The following FRAS1 variants were observed in gnomAD, a reference collection of about 807,000 sequenced individuals.
FRAS1 encodes extracellular matrix organizing protein FRAS1.
In FRAS1, 290 loss-of-function variants were observed where a neutral mutation model predicts 435.2. The ratio of observed to expected loss-of-function variants is 0.67; its 90% CI spans 0.61 to 0.73. FRAS1 has a LOEUF of 0.73. Ranked by LOEUF, FRAS1 falls within the 30% of genes least tolerant of loss-of-function variation. The probability of loss-of-function intolerance (pLI) is 0.00; values close to 1 mark genes in which losing one functional copy is unlikely to be tolerated. For missense variants in FRAS1, 4,860 were observed against 5,001.5 expected (o/e 0.97, Z 0.85); for synonymous variants, 1,800 against 1,851.0 (o/e 0.97, Z 0.71).
chr4:78,174,998 G>A (rs1415441155), intron 2 of FRAS1, among the ~76,000 whole-genome samples: 1 of 152,238 alleles, frequency 6.6e-6, no homozygotes, highest in Non-Finnish European at 1.5e-5. Flanking sequence ...GTAATGTGCT[G>A]TGAAGATTTT....
chr4:78,143,779 C>G (rs1355695043), intron 2 of FRAS1, among the ~76,000 whole-genome samples: 3 of 151,048 alleles, frequency 2.0e-5, no homozygotes, highest in East Asian at 3.9e-4. Flanking sequence ...TGTTGCGGGC[C>G]TGTGGTCCCA....
intron 14 of FRAS1, among the ~76,000 whole-genome samples, chr4:78,307,811 G>T (rs563874437): frequency 6.6e-6 from 1 of 152,274 alleles, no homozygotes; most frequent in East Asian, 1.9e-4. Context: ...GAAATCACCC[G>T]TCTTCTGCGT....
chr4:78,243,001 A>G (rs115211094), intron 3 of FRAS1, among the ~76,000 whole-genome samples: 134 of 152,296 alleles, frequency 8.8e-4, no homozygotes, highest in African/African-American at 3.0e-3. Context: ...AGGTATTTAG[A>G]ACCTTGAATA....
At chr4:78,237,704 C>T (rs990729743) in intron 3 of FRAS1, 87 bp downstream of exon 3, 2 of 585,724 alleles carry the variant, frequency 3.4e-6, no homozygotes, top group African/African-American at 3.8e-5. Context: ...CTGTTTTTGA[C>T]ATTTATTCTA....
intron 2 of FRAS1, among the ~76,000 whole-genome samples, chr4:78,229,035 G>A (rs1305346149): frequency 6.6e-6 from 1 of 152,110 alleles, no homozygotes; most frequent in East Asian, 1.9e-4. Flanking sequence ...GACTTAGTGT[G>A]GTATATGACC....
chr4:78,279,184 A>G (rs1727203332), intron 10 of FRAS1, among the ~76,000 whole-genome samples: 1 of 152,216 alleles, frequency 6.6e-6, no homozygotes, highest in Non-Finnish European at 1.5e-5. Flanking sequence ...GAAACATACC[A>G]GGAATAGGGA....
rs143653557 is a variant in FRAS1, at chr4:78,122,185, T to G, written c.108+56169T>G. ...TGTTCCCTTCCCTGTGTCCATGTGT[T>G]CTTATTGTTCAATTCCCACTTATGA... On this transcript the variant is annotated intron_variant, in intron 2 of 73. Coordinates refer to ENST00000512123, the MANE Select transcript of FRAS1 (RefSeq NM_025074.7). 1.0e-2 allele frequency among the ~76,000 whole-genome samples: 1,521 copies of G among 152,218 alleles called. 9 individuals are homozygous for G. Among genetic ancestry groups the G allele is most frequent in the Non-Finnish European group, 0.014 (948 of 68,014 alleles).
At position 78,169,428 on chromosome 4, in the gene FRAS1, C is replaced by A. The variant is rs1340810244; in HGVS notation, c.109-68082C>A. ...CGACTCTGCCGCTTACCTGGTGTCG[C>A]CTTTGTCAAGTTGCTTAACCTCTCA... On this transcript the variant is annotated intron_variant, in intron 2 of 73. Coordinates refer to ENST00000512123, the MANE Select transcript of FRAS1 (RefSeq NM_025074.7). Among the ~76,000 whole-genome samples the A allele has an allele frequency of 2.6e-5, 4 of 152,144 alleles. No individual in the cohort carries two copies. In the East Asian group the frequency reaches 7.7e-4, roughly 29 times the overall value.
Position 78,308,188 on chromosome 4 carries a change from A to C in FRAS1, c.1657A>C (p.Asn553His). ...GAGCAGCTGTGGAAAAGGCTTCTAC[A>C]ACAGGCAGGGCACCTGTAGCGGTGA... The part of the protein sequence containing the change: ...CESSCGKGFY[N>H]RQGTCSACDQ... The change falls in exon 15 of 74, where the codon AAC becomes CAC. Residue 553 changes from asparagine (N) to histidine (H), a missense_variant. Coordinates refer to ENST00000512123, the MANE Select transcript of FRAS1 (RefSeq NM_025074.7). 1.2e-6 allele frequency: 2 copies of C among 1,613,940 alleles called. No homozygotes were observed. Among genetic ancestry groups the C allele is most frequent in the Non-Finnish European group, 1.7e-6 (2 of 1,179,874 alleles).
At chr4:78,458,688 G>A (rs1030552578) in intron 47 of FRAS1, among the ~76,000 whole-genome samples, 1 of 152,112 alleles carries the variant, frequency 6.6e-6, no homozygotes, top group African/African-American at 2.4e-5. Flanking sequence ...ATGTACCCCT[G>A]AATCTAAAAT....
rs551586781 is a variant in FRAS1, at chr4:78,473,576, T to A, written c.7661T>A (p.Leu2554His). ...AATGTCTTCCATATCCAGTGGTCAC[T>A]CATCAGCTTTAAATATACCAGGTAC... ...SDNVFHIQWS[L>H]ISFKYTSYNV... Residue 2554 changes from leucine to histidine, a missense_variant, in exon 53 of 74, where the codon CTC (leucine) becomes CAC (histidine). Leu to His is a moderately conservative substitution (Grantham distance 99). Coordinates refer to ENST00000512123, the MANE Select transcript of FRAS1 (RefSeq NM_025074.7). The A allele has an allele frequency of 6.2e-7, 1 of 1,607,262 alleles. No individual in the cohort carries two copies. The highest frequency in any genetic ancestry group is 2.2e-5 in the East Asian group (1 of 44,690).
intron 55 of FRAS1, 146 bp downstream of exon 55, chr4:78,478,207 C>A (rs890419989): frequency 2.5e-5 from 22 of 894,122 alleles, no homozygotes; most frequent in Non-Finnish European, 3.5e-5. Context: ...CCCACAACAA[C>A]CCTGATGATG....
chr4:78,389,662 T>C (rs889832616), intron 29 of FRAS1, among the ~76,000 whole-genome samples: 1 of 152,220 alleles, frequency 6.6e-6, no homozygotes. Context: ...CGTTCTTGGT[T>C]TCTTTCTAAA....
chr4:78,371,083 G>GTTTTTTTT (rs1242709942), intron 23 of FRAS1, among the ~76,000 whole-genome samples: 1 of 127,402 alleles, frequency 7.8e-6, no homozygotes, highest in African/African-American at 3.2e-5. Context: ...TTTTTTTTCT[G>GTTTTTTTT]TTTTTTTGTT....
At chr4:78,065,058 G>GTATATATATA (rs34023994) in intron 1 of FRAS1, among the ~76,000 whole-genome samples, 6 of 119,898 alleles carry the variant, frequency 5.0e-5, no homozygotes, top group Admixed American at 8.7e-5. Context: ...GTTTTATAGT[G>GTATATATATA]TATATATATA....
In FRAS1 at chr4:78,083,360, A is replaced by C. The variant is rs561824227; in HGVS notation, c.108+17344A>C. ...ATTCTCAAAAACAGATCTGGGAAAG[A>C]GTCAGTCTCTTGTTCCTCTGGATGT... is the stretch of plus-strand genomic sequence containing the variant. On this transcript the variant is annotated intron_variant, in intron 2 of 73. Transcript: ENST00000512123. 9.9e-5 allele frequency among the ~76,000 whole-genome samples: 15 copies of C among 152,250 alleles called. No individual in the cohort carries two copies. In the East Asian group the frequency reaches 1.2e-3, roughly 12 times the overall value.
intron 69 of FRAS1, among the ~76,000 whole-genome samples, chr4:78,525,861 C>T (rs1425111912): frequency 6.6e-6 from 1 of 152,208 alleles, no homozygotes; most frequent in East Asian, 1.9e-4. Flanking sequence ...ACTGGAGAAT[C>T]CTGGGCCCCC....
intron 20 of FRAS1, among the ~76,000 whole-genome samples, chr4:78,342,553 A>AAT (rs1553947593): frequency 2.0e-5 from 3 of 150,904 alleles, no homozygotes; most frequent in African/African-American, 7.3e-5. Context: ...ATTAGAAAAA[A>AAT]TTTTTTTTTT....
chr4:78,494,009 G>T (rs983419809), intron 59 of FRAS1, among the ~76,000 whole-genome samples: 18 of 150,546 alleles, frequency 1.2e-4, no homozygotes, highest in Admixed American at 2.6e-4. Context: ...TCTTATGTTT[G>T]TTTTTTTTTA....
Sources: allele counts gnomAD v4.1 joint callset (sites outside exome capture counted in the v4.1 genomes callset), GRCh38; gene constraint gnomAD v4.1.1; transcripts MANE v1.5; gene names NCBI Gene and HGNC (gene_info 2026-07-23, HGNC 2026-07-21).